The following TASOR2 variants were observed in gnomAD, a reference collection of about 807,000 sequenced individuals.
TASOR2 encodes transcription activation suppressor family member 2, also known as protein TASOR 2.
In TASOR2, 84 loss-of-function variants were observed where a neutral mutation model predicts 199.5. The observed-to-expected ratio is 0.42, with a 90% CI of 0.35 to 0.50. The LOEUF is 0.50. Among genes scored for constraint, TASOR2 ranks in the 20% least tolerant of loss-of-function variants. TASOR2 has a pLI of 0.02. For synonymous variants in TASOR2, 1,103 were observed against 1,046.6 expected (o/e 1.05, Z -1.04); for missense variants, 2,796 against 2,835.9 (o/e 0.99, Z 0.32).
Position 5,750,067 on chromosome 10 carries a change from TG to T in TASOR2, c.6606+41del. 1 of 1,524,178 alleles carries T rather than the reference TG, an allele frequency of 6.6e-7. No homozygotes were observed. The highest frequency in any genetic ancestry group is 8.8e-7 in the Non-Finnish European group (1 of 1,139,994). 94.4% of individuals were successfully genotyped at this position (1,524,178 alleles called of 1,614,324 possible). On this transcript the variant is annotated intron_variant, in intron 15 of 20. Coordinates refer to ENST00000328090, the Ensembl canonical transcript of TASOR2. The surrounding 1 kb of genome is among the most constrained non-coding windows in gnomAD (Gnocchi z 5.4). ...ACGTCTTACGTATTATTTTAATTGC[TG>T]ATTTTAGTTTTAGAAATAATAAATT...
intron 19 of TASOR2, 102 bp from the exon 21 acceptor site, chr10:5,762,430 C>G (rs141982783): frequency 5.3e-6 from 2 of 380,018 alleles, no homozygotes; most frequent in South Asian, 6.8e-5. Context: ...ACCCCTCACA[C>G]GAGGAAGTTC....
intron 1 of TASOR2, among the ~76,000 whole-genome samples, chr10:5,711,134 C>G (rs1024843633): frequency 1.3e-5 from 2 of 151,954 alleles, no homozygotes; most frequent in Non-Finnish European, 2.9e-5. Flanking sequence ...TATTCGTAAA[C>G]ATTTCATTCT....
Position 5,748,584 on chromosome 10 carries a change from T to G in TASOR2, c.5163T>G (p.Ser1721=). 1 of 1,613,740 alleles carries G rather than the reference T, an allele frequency of 6.2e-7. No homozygotes were observed. The highest frequency in any genetic ancestry group is 8.5e-7 in the Non-Finnish European group (1 of 1,180,030). The change falls in exon 15 of 21, where the codon TCT becomes TCG. Residue 1721 remains serine, a synonymous_variant. Transcript: ENST00000328090. The surrounding 1 kb of genome is among the most constrained non-coding windows in gnomAD (Gnocchi z 5.1). ...CTGGCCCTCAGTCCAACACCACATC[T>G]TCTCTAAAAGGTGAACGCAAAGCCA... is the stretch of plus-strand genomic sequence containing the variant.
rs908962305 is a variant in TASOR2, at chr10:5,752,436, T to G, written c.6606+2409T>G. Among the ~76,000 whole-genome samples the G allele has an allele frequency of 6.6e-6, 1 of 151,744 alleles. No homozygotes were observed. Among genetic ancestry groups the G allele is most frequent in the Non-Finnish European group, 1.5e-5 (1 of 67,916 alleles). On this transcript the variant is annotated intron_variant, in intron 15 of 20. Coordinates refer to ENST00000328090, the Ensembl canonical transcript of TASOR2. This position sits in a 1 kb window ranked among gnomAD's most constrained non-coding sequence, Gnocchi z 4.4. ...ACGTGCCGTGTGTCGGTTCCACACA[T>G]GAGGGGCCTGCAGGCCACGTGCAGG... is the stretch of plus-strand genomic sequence containing the variant.
rs2131539566 is a variant in TASOR2 at position 5,708,102 on chromosome 10, T to C, written c.-287-4721T>C. 2.6e-5 allele frequency among the ~76,000 whole-genome samples: 4 copies of C among 152,334 alleles called. No individual in the cohort carries two copies. The Middle Eastern group carries it at 0.014, about 518-fold the overall frequency. ...TGCTGTAAAACTATACATGCTGTTT[T>C]TGTGAAGCATATGAAAATCCTTATT... On this transcript the variant is annotated intron_variant, in intron 1 of 20. Coordinates refer to ENST00000328090, the Ensembl canonical transcript of TASOR2.
Position 5,720,291 on chromosome 10 carries a change from C to T in TASOR2, c.-99-253C>T. The T allele has an allele frequency of 1.0e-6, 1 of 985,288 alleles. No individual in the cohort carries two copies. Among genetic ancestry groups the T allele is most frequent in the Non-Finnish European group, 1.2e-6 (1 of 829,856 alleles). The allele number at this position is 985,288 out of a possible 1,614,324, so 61.0% of individuals were successfully genotyped here. A position where few individuals can be genotyped will look rare whatever the true frequency, so the allele number is the denominator to read the frequency against. On this transcript the variant is annotated intron_variant, in intron 3 of 20. Transcript: ENST00000328090. The surrounding 1 kb of genome is among the most constrained non-coding windows in gnomAD (Gnocchi z 5.3). The stretch of plus-strand genomic sequence containing the variant: ...GTCAAGTTTGTGTCTGAGAATTATA[C>T]AACTAACTATACTAAGCCATCTTCT...
chr10:5,755,568 C>T (rs1462609169), intron 15 of TASOR2, among the ~76,000 whole-genome samples: 2 of 149,490 alleles, frequency 1.3e-5, no homozygotes, highest in Non-Finnish European at 3.0e-5. Flanking sequence ...AGTAAGACAA[C>T]ATCTCAAAAA....
At position 5,742,218 on chromosome 10, in the gene TASOR2, C is replaced by T. The variant is rs1478234634; in HGVS notation, c.2449C>T (p.His817Tyr). Residue 817 changes from histidine to tyrosine, a missense_variant, in exon 14 of 21, where the codon CAC becomes TAC. His to Tyr is a moderately conservative substitution (Grantham distance 83). Around this residue, in one of 3 missense-constraint regions of TASOR2, gnomAD observed 1,941 missense variants for 1,924.9 expected, o/e 1.01. Coordinates refer to ENST00000328090, the Ensembl canonical transcript of TASOR2. This position sits in a 1 kb window ranked among gnomAD's most constrained non-coding sequence, Gnocchi z 4.2. Reference sequence around the variant, plus strand: ...ACGATCTTCCCGAAAGGTTGTAGAACACAGCAACCCAGCAAAATATGTGTC... The same window carrying T: ...ACGATCTTCCCGAAAGGTTGTAGAATACAGCAACCCAGCAAAATATGTGTC... 6.2e-7 allele frequency: 1 copy of T among 1,614,014 alleles called. No individual in the cohort carries two copies. Among genetic ancestry groups the T allele is most frequent in the African/African-American group, 1.3e-5 (1 of 74,920 alleles).
In TASOR2 at chr10:5,730,896, T is replaced by G; in HGVS notation, c.897T>G (p.Phe299Leu). ...CAGACGGAATTTGTGATGCTGGATT[T>G]TCCTTAGTTATGACTCCAGATCCTG... The change falls in exon 11 of 21, where the codon TTT becomes TTG. Residue 299 changes from phenylalanine (F) to leucine (L), a missense_variant. Phe to Leu is a conservative substitution (Grantham distance 22, BLOSUM62 0). Coordinates refer to ENST00000328090, the Ensembl canonical transcript of TASOR2. The surrounding 1 kb of genome is among the most constrained non-coding windows in gnomAD (Gnocchi z 4.1). 6.2e-7 allele frequency: 1 copy of G among 1,614,226 alleles called. No individual in the cohort carries two copies. The highest frequency in any genetic ancestry group is 1.1e-5 in the South Asian group (1 of 91,080).
intron 1 of TASOR2, among the ~76,000 whole-genome samples, chr10:5,705,134 G>C (rs1838414348): frequency 6.6e-6 from 1 of 152,122 alleles, no homozygotes; most frequent in East Asian, 1.9e-4. Flanking sequence ...AAGTTCCCTT[G>C]TGCATACCCC....
At position 5,738,639 on chromosome 10, in the gene TASOR2, T is replaced by C. The variant is rs1835947376; in HGVS notation, c.1448-979T>C. On this transcript the variant is annotated intron_variant, in intron 12 of 20. Coordinates refer to ENST00000328090, the Ensembl canonical transcript of TASOR2. This position sits in a 1 kb window ranked among gnomAD's most constrained non-coding sequence, Gnocchi z 4.7. ...TTGATGACATCATAGGCTGGAGCTG[T>C]CTTCTCTTTAAATGTGTTACTCATT... 6.6e-6 allele frequency among the ~76,000 whole-genome samples: 1 copy of C among 152,230 alleles called. No homozygotes were observed. Among genetic ancestry groups the C allele is most frequent in the Non-Finnish European group, 1.5e-5 (1 of 68,034 alleles).
At chr10:5,696,566 G>C (rs1437254722) in intron 1 of TASOR2, among the ~76,000 whole-genome samples, 1 of 152,110 alleles carries the variant, frequency 6.6e-6, no homozygotes, top group Non-Finnish European at 1.5e-5. Flanking sequence ...TATGTTGCCA[G>C]GCTGGTCTTC....
intron 10 of TASOR2, among the ~76,000 whole-genome samples, chr10:5,728,623 A>G (rs1390730758): frequency 2.0e-5 from 3 of 152,170 alleles, no homozygotes; most frequent in African/African-American, 7.2e-5. Flanking sequence ...AAAATTAAAA[A>G]AAAAAACAAA....
rs1456440488 is a variant in TASOR2, at chr10:5,738,221, G to T, written c.1448-1397G>T. On this transcript the variant is annotated intron_variant, in intron 12 of 20. Coordinates refer to ENST00000328090, the Ensembl canonical transcript of TASOR2. This position sits in a 1 kb window ranked among gnomAD's most constrained non-coding sequence, Gnocchi z 4.7. The stretch of plus-strand genomic sequence containing the variant: ...GTTCCTTTGGCATTGTCTTATGTAT[G>T]TCTTAAATAGAAATTATGGGTGGTG... 1.3e-5 allele frequency among the ~76,000 whole-genome samples: 2 copies of T among 152,056 alleles called. No individual in the cohort carries two copies. The highest frequency in any genetic ancestry group is 3.8e-4 in the East Asian group (2 of 5,204).
At chr10:5,705,632 C>A (rs1838485429) in intron 1 of TASOR2, among the ~76,000 whole-genome samples, 1 of 152,086 alleles carries the variant, frequency 6.6e-6, no homozygotes, top group African/African-American at 2.4e-5. Context: ...TCATCCTTGC[C>A]AACGCTTGGT....
exon 15 of TASOR2, chr10:5,749,184 C>A (rs758609150): frequency 6.2e-7 from 1 of 1,614,054 alleles, no homozygotes; most frequent in South Asian, 1.1e-5. Flanking sequence ...TCCACGGGAT[C>A]CTCAGGACTT....
chr10:5,757,738 A>C lies in TASOR2; in HGVS notation c.6886+65A>C, dbSNP rs1179602860. On this transcript the variant is annotated intron_variant, in intron 17 of 20. Coordinates refer to ENST00000328090, the Ensembl canonical transcript of TASOR2. ...ATCAACTTCTCACCCAGTGACCTAA[A>C]TACTGTTTCATCCAAAAGAAATGAT... The C allele has an allele frequency of 2.0e-6, 3 of 1,521,474 alleles. No homozygotes were observed. The East Asian group carries it at 6.8e-5, about 34-fold the overall frequency. The allele number at this position is 1,521,474 out of a possible 1,614,324, so 94.2% of individuals were successfully genotyped here.
rs1303343299 is a variant in TASOR2, at chr10:5,738,181, CT to C, written c.1448-1429del. ...TTTTCTGTCCTTTTTATTCACTGAA[CT>C]TTTTTTTAATGTAGTTCCTTTGGCA... On this transcript the variant is annotated intron_variant, in intron 12 of 20. Transcript: ENST00000328090. This position sits in a 1 kb window ranked among gnomAD's most constrained non-coding sequence, Gnocchi z 4.7. Among the ~76,000 whole-genome samples the C allele has an allele frequency of 1.3e-5, 2 of 151,870 alleles. No individual in the cohort carries two copies. The highest frequency in any genetic ancestry group is 2.4e-5 in the African/African-American group (1 of 41,338).
chr10:5,697,667 T>A (rs1368522047), intron 1 of TASOR2, among the ~76,000 whole-genome samples: 2 of 152,122 alleles, frequency 1.3e-5, no homozygotes, highest in South Asian at 4.1e-4. Context: ...ATTTGGAGAT[T>A]AGATAAGGAA....
Sources: allele counts gnomAD v4.1 joint callset (sites outside exome capture counted in the v4.1 genomes callset), GRCh38; gene constraint gnomAD v4.1.1; regional missense constraint gnomAD v4.1.1; non-coding constraint Gnocchi (gnomAD v3.1); transcripts MANE v1.5; gene names NCBI Gene and HGNC (gene_info 2026-07-23, HGNC 2026-07-21).